The following NFATC1 variants were observed in gnomAD, a reference collection of about 807,000 sequenced individuals.
The protein encoded by NFATC1 is nuclear factor of activated T cells 1.
Under a neutral mutation model 76.0 loss-of-function variants are expected in NFATC1, and 22 were observed. The ratio of observed to expected loss-of-function variants is 0.29; its 90% CI spans 0.21 to 0.41. NFATC1 has a LOEUF of 0.41. Among genes scored for constraint, NFATC1 ranks in the 10% least tolerant of loss-of-function variants. NFATC1 has a pLI of 1.00. For missense variants in NFATC1, 1,357 were observed against 1,337.7 expected, an observed-to-expected ratio of 1.01 and a Z score of -0.23; for synonymous variants, 704 against 613.1, an observed-to-expected ratio of 1.15 and a Z score of -2.19.
intron 2 of NFATC1, among the ~76,000 whole-genome samples, chr18:79,412,452 G>A (rs1269649000): frequency 4.1e-5 from 5 of 123,256 alleles, no homozygotes; most frequent in South Asian, 2.5e-4. Flanking sequence ...TTTTTTTTTC[G>A]TCCCTCCCCA....
At position 79,411,150 on chromosome 18, in the gene NFATC1, G is replaced by A. The variant is rs752685843; in HGVS notation, c.875G>A (p.Arg292Gln). The A allele has an allele frequency of 9.3e-6, 15 of 1,612,346 alleles. No individual in the cohort carries two copies. The highest frequency in any genetic ancestry group is 1.2e-5 in the Non-Finnish European group (14 of 1,179,810). The change falls in exon 2 of 10, where the codon CGG becomes CAG. Residue 292 changes from arginine to glutamine, a missense_variant. Arg to Gln is a conservative substitution (Grantham distance 43, BLOSUM62 1). Transcript: ENST00000427363. ...SPTPSPHGSP[R>Q]VSVTDDSWLG... ...ACGCCGTCCCCGCACGGCTCCCCGC[G>A]GGTCAGCGTGACCGACGACTCGTGG...
At position 79,411,334 on chromosome 18, in the gene NFATC1, C is replaced by T. The variant is rs528285298; in HGVS notation, c.1059C>T (p.Val353=). The T allele has an allele frequency of 2.3e-5, 37 of 1,598,470 alleles. No homozygotes were observed. The highest frequency in any genetic ancestry group is 5.4e-5 in the African/African-American group (4 of 74,592). The stretch of plus-strand genomic sequence containing the variant: ...CAGTGGCGCTCAAGGTGGAGCCCGT[C>T]GGGGAGGACCTGGGCAGCCCCCCGC... ...PPSVALKVEP[V]GEDLGSPPPP... The change falls in exon 2 of 10, where the codon GTC becomes GTT. Residue 353 remains valine (V), a synonymous_variant. Transcript: ENST00000427363.
At chr18:79,424,273 C>G (rs997096401) in intron 2 of NFATC1, among the ~76,000 whole-genome samples, 4 of 152,286 alleles carry the variant, frequency 2.6e-5, no homozygotes, top group Middle Eastern at 3.4e-3. Context: ...TCCGGGCTGC[C>G]CTCCAGGAAG....
At chr18:79,451,618 TG>T in intron 5 of NFATC1, 57 bp from the exon 6 acceptor site, 1 of 1,453,898 alleles carries the variant, frequency 6.9e-7, no homozygotes, top group Non-Finnish European at 9.1e-7. Flanking sequence ...GTGCCACACG[TG>T]TGCCCCAGGC....
At chr18:79,405,082 G>A (rs1170403935) in intron 1 of NFATC1, among the ~76,000 whole-genome samples, 1 of 152,166 alleles carries the variant, frequency 6.6e-6, no homozygotes, top group Admixed American at 6.5e-5. Context: ...GGTGCTCCCC[G>A]CGTGGCCGTC....
At chr18:79,431,816 CCT>C (rs1277661872) in intron 2 of NFATC1, among the ~76,000 whole-genome samples, 2 of 152,220 alleles carry the variant, frequency 1.3e-5, no homozygotes, top group Non-Finnish European at 2.9e-5. Flanking sequence ...AATTCTCCTC[CCT>C]CAGCCTCTCG....
chr18:79,396,971 C>G (rs2085027266), intron 1 of NFATC1, among the ~76,000 whole-genome samples: 1 of 152,200 alleles, frequency 6.6e-6, no homozygotes, highest in African/African-American at 2.4e-5. Flanking sequence ...GGCAGGAGTT[C>G]CAGCCAGAGA....
At position 79,523,758 on chromosome 18, in the gene NFATC1, A is replaced by G. The variant is rs938275286; in HGVS notation, c.2783-3770A>G. Among the ~76,000 whole-genome samples, 6 of 152,342 alleles carry G rather than the reference A, an allele frequency of 3.9e-5. No individual in the cohort carries two copies. In the East Asian group the frequency reaches 1.2e-3, roughly 29 times the overall value. ...AAACGCCACAGTCGAGTTTTAGGAA[A>G]AAACAATAGTTTCCACCTGAGGAGT... is the stretch of plus-strand genomic sequence containing the variant. On this transcript the variant is annotated intron_variant, in intron 9 of 9. Coordinates refer to ENST00000427363, the MANE Select transcript of NFATC1 (RefSeq NM_001278669.2).
intron 9 of NFATC1, among the ~76,000 whole-genome samples, chr18:79,514,793 C>T (rs1600979089): frequency 6.6e-6 from 1 of 151,982 alleles, no homozygotes; most frequent in African/African-American, 2.4e-5. Context: ...CACCTATAAT[C>T]CTAGCATGTT....
intron 1 of NFATC1, among the ~76,000 whole-genome samples, chr18:79,402,701 A>T (rs1217126705): frequency 2.0e-5 from 3 of 152,200 alleles, no homozygotes; most frequent in Non-Finnish European, 2.9e-5. Flanking sequence ...AGGGTTCTTT[A>T]TGTATCTCAT....
chr18:79,429,899 A>C (rs2086530315), intron 2 of NFATC1, among the ~76,000 whole-genome samples: 1 of 152,230 alleles, frequency 6.6e-6, no homozygotes, highest in South Asian at 2.1e-4. Context: ...GGTTCTCGTG[A>C]GATCGTGAGA....
At chr18:79,400,380 G>GCCCCGC (rs781370439) in intron 1 of NFATC1, 1 of 1,477,038 alleles carries the variant, frequency 6.8e-7, no homozygotes, top group Non-Finnish European at 9.0e-7. Flanking sequence ...CCCGGCCCCG[G>GCCCCGC]CCCGACCCGC....
intron 7 of NFATC1, among the ~76,000 whole-genome samples, chr18:79,464,674 A>ATGTATG (rs1323194087): frequency 1.1e-4 from 8 of 71,144 alleles, no homozygotes; most frequent in African/African-American, 4.5e-4. Flanking sequence ...GTGTGTGTAT[A>ATGTATG]TGTATGTGTA....
intron 7 of NFATC1, among the ~76,000 whole-genome samples, chr18:79,464,787 C>A (rs2088381614): frequency 6.7e-6 from 1 of 149,660 alleles, no homozygotes; most frequent in Non-Finnish European, 1.5e-5. Flanking sequence ...CTCACTGCAG[C>A]CTTGACCTCC....
chr18:79,456,423 G>GGGGA (rs2087728735), intron 6 of NFATC1, among the ~76,000 whole-genome samples: 1 of 152,200 alleles, frequency 6.6e-6, no homozygotes, highest in African/African-American at 2.4e-5. Flanking sequence ...TCAAGGCCAG[G>GGGGA]GGGAGGTTCA....
At chr18:79,495,876 A>G (rs1211644656) in intron 9 of NFATC1, among the ~76,000 whole-genome samples, 1 of 152,088 alleles carries the variant, frequency 6.6e-6, no homozygotes, top group Non-Finnish European at 1.5e-5. Context: ...CGCAAGTGTC[A>G]CTGTAACACA....
At chr18:79,448,225 C>G (rs539775308) in intron 3 of NFATC1, 1 of 158,068 alleles carries the variant, frequency 6.3e-6, no homozygotes, top group East Asian at 1.9e-4. Context: ...GCTCAGCCAC[C>G]AGGACGGCGT....
At chr18:79,474,892 G>A (rs1484457265) in intron 8 of NFATC1, among the ~76,000 whole-genome samples, 1 of 119,934 alleles carries the variant, frequency 8.3e-6, no homozygotes. Flanking sequence ...TGTCGACGTT[G>A]TAAACCTGAG....
At chr18:79,509,565 A>ACCCCTGCTCCCAGGAGGGTCT (rs1474223929) in intron 9 of NFATC1, among the ~76,000 whole-genome samples, 3 of 152,194 alleles carry the variant, frequency 2.0e-5, no homozygotes, top group African/African-American at 7.2e-5. Context: ...CTAGAGGGGC[A>ACCCCTGCTCCCAGGAGGGTCT]CCCCTGCTCC....
Sources: gnomAD v4.1 joint callset for allele counts (sites outside exome capture counted in the v4.1 genomes callset) on GRCh38, gnomAD v4.1.1 for gene constraint, MANE v1.5 for transcripts, NCBI Gene and HGNC (gene_info 2026-07-23, HGNC 2026-07-21) for gene names.